HEATR5A: variants seen among roughly 807,000 people sequenced by gnomAD.
HEATR5A encodes the protein HEAT repeat containing 5A.
In HEATR5A, 178 loss-of-function variants were observed where a neutral mutation model predicts 218.8. That is an observed-to-expected ratio of 0.81 (90% CI 0.72 to 0.92). The LOEUF (loss-of-function observed/expected upper bound fraction) is 0.92, where lower values mean the gene tolerates loss of function less well. Ranked by LOEUF, HEATR5A falls within the 40% of genes least tolerant of loss-of-function variation. The probability of loss-of-function intolerance (pLI) is 0.00; values close to 1 mark genes in which losing one functional copy is unlikely to be tolerated. For missense variants in HEATR5A, 2,420 were observed against 2,418.9 expected, an observed-to-expected ratio of 1.00 and a Z score of -0.01; for synonymous variants, 864 against 871.6, an observed-to-expected ratio of 0.99 and a Z score of 0.15.
intron 6 of HEATR5A, among the ~76,000 whole-genome samples, chr14:31,391,098 G>A (rs1227683698): frequency 6.6e-6 from 1 of 152,078 alleles, no homozygotes; most frequent in Non-Finnish European, 1.5e-5. Flanking sequence ...TATAGAACAA[G>A]GATACAAGGA....
intron 19 of HEATR5A, among the ~76,000 whole-genome samples, chr14:31,345,919 C>A (rs898338592): frequency 8.6e-5 from 13 of 151,946 alleles, no homozygotes; most frequent in African/African-American, 3.1e-4. Flanking sequence ...CACACGCACA[C>A]ACACACACAC....
chr14:31,388,912 C>A lies in HEATR5A; in HGVS notation c.866G>T (p.Arg289Leu). ...GFLRGSSGFL[R>L]ASGDMLKGTS... The stretch of plus-strand genomic sequence containing the variant: ...TCCTTTCAGCATATCTCCACTGGCT[C>A]GAAGGAATCCTGAACTCCCACGTAG... Residue 289 changes from arginine (R) to leucine (L), a missense_variant, in exon 7 of 36, where the codon CGA (arginine) becomes CTA (leucine). Physicochemically the swap from Arg to Leu is moderately radical, Grantham distance 102. Transcript: ENST00000543095. The A allele has an allele frequency of 6.2e-7, 1 of 1,613,732 alleles. No individual in the cohort carries two copies. Among genetic ancestry groups the A allele is most frequent in the Non-Finnish European group, 8.5e-7 (1 of 1,179,750 alleles).
Position 31,304,949 on chromosome 14 carries a change from G to T in HEATR5A, c.5195C>A (p.Ala1732Glu). ...AGGAAGTTCGGAAAGGATAACCAAT[G>T]CAGCTGAAACCAATCTACTTCCATC... ...LEDGSRLVSA[A>E]LVILSELPAV... Residue 1732 changes from alanine (A) to glutamate (E), a missense_variant, in exon 32 of 36, where the codon GCA becomes GAA. By Grantham distance (107) the Ala-to-Glu change is moderately radical. Coordinates refer to ENST00000543095, the MANE Select transcript of HEATR5A (RefSeq NM_015473.4). 6.2e-7 allele frequency: 1 copy of T among 1,613,990 alleles called. No individual in the cohort carries two copies. The highest frequency in any genetic ancestry group is 8.5e-7 in the Non-Finnish European group (1 of 1,179,886).
Position 31,374,941 on chromosome 14 carries a change from G to C in HEATR5A, c.1736C>G (p.Ala579Gly). 1 of 1,610,672 alleles carries C rather than the reference G, an allele frequency of 6.2e-7. No individual in the cohort carries two copies. The highest frequency in any genetic ancestry group is 8.5e-7 in the Non-Finnish European group (1 of 1,178,346). ...LGPAVVSHHL[A>G]RVLLLWKCVF... ...ACACTTCCACAACAGCAGAACTCGA[G>C]CAAGGTGATGGCTAACAACTGCAGG... The change falls in exon 12 of 36, where the codon GCT (alanine) becomes GGT (glycine). Residue 579 changes from alanine (A) to glycine (G), a missense_variant. Physicochemically the swap from Ala to Gly is moderately conservative, Grantham distance 60. Coordinates refer to ENST00000543095, the MANE Select transcript of HEATR5A (RefSeq NM_015473.4).
intron 16 of HEATR5A, among the ~76,000 whole-genome samples, chr14:31,356,541 A>G (rs1901433509): frequency 6.6e-6 from 1 of 151,836 alleles, no homozygotes; most frequent in East Asian, 1.9e-4. Flanking sequence ...GTCACCTACT[A>G]TTTTTTTTCC....
At chr14:31,418,547 C>G (rs1292363306) in intron 1 of HEATR5A, among the ~76,000 whole-genome samples, 1 of 152,210 alleles carries the variant, frequency 6.6e-6, no homozygotes, top group Non-Finnish European at 1.5e-5. Flanking sequence ...GACAAGGGAT[C>G]TAATTAAGTG....
intron 22 of HEATR5A, among the ~76,000 whole-genome samples, chr14:31,330,925 C>T (rs1341108176): frequency 6.8e-6 from 1 of 147,764 alleles, no homozygotes; most frequent in Non-Finnish European, 1.5e-5. Flanking sequence ...CTTTTATATG[C>T]TCTGCTTCCC....
intron 14 of HEATR5A, among the ~76,000 whole-genome samples, chr14:31,360,942 T>C (rs1490237943): frequency 1.3e-5 from 2 of 152,128 alleles, no homozygotes; most frequent in African/African-American, 2.4e-5. Context: ...ATAGCTGAGA[T>C]TACACACGGT....
chr14:31,336,186 G>A (rs577786477), intron 22 of HEATR5A, among the ~76,000 whole-genome samples: 6 of 138,260 alleles, frequency 4.3e-5, no homozygotes, highest in Admixed American at 1.5e-4. Flanking sequence ...GCCATATTGC[G>A]CAGGGGGTTA....
chr14:31,344,895 G>A (rs1276705915), intron 20 of HEATR5A, among the ~76,000 whole-genome samples, 192 bp downstream of exon 20: 1 of 152,184 alleles, frequency 6.6e-6, no homozygotes, highest in African/African-American at 2.4e-5. Flanking sequence ...GGCATCTTTA[G>A]GAGATATGTA....
intron 11 of HEATR5A, among the ~76,000 whole-genome samples, chr14:31,378,979 T>C (rs2139268824): frequency 6.6e-6 from 1 of 151,842 alleles, no homozygotes; most frequent in South Asian, 2.1e-4. Flanking sequence ...TCTTGTTCTG[T>C]CACCCAGGCT....
chr14:31,407,605 TA>T (rs1476241328), intron 1 of HEATR5A, among the ~76,000 whole-genome samples: 10 of 1,046 alleles, frequency 9.6e-3, no homozygotes, highest in African/African-American at 0.018. Flanking sequence ...TATATATATA[TA>T]TATATATATA....
chr14:31,339,215 C>T (rs548786818), intron 21 of HEATR5A, among the ~76,000 whole-genome samples: 2 of 151,146 alleles, frequency 1.3e-5, no homozygotes, highest in Non-Finnish European at 2.9e-5. Flanking sequence ...CAAGGGAGGC[C>T]GAGGCAGGTG....
intron 22 of HEATR5A, 129 bp from the exon 23 acceptor site, chr14:31,326,471 G>T: frequency 1.5e-6 from 1 of 673,408 alleles, no homozygotes; most frequent in Non-Finnish European, 2.5e-6. Flanking sequence ...CAAATACTGT[G>T]CTTTAATCTA....
chr14:31,336,213 C>CACACACACATAT (rs758047507), intron 22 of HEATR5A, among the ~76,000 whole-genome samples: 34 of 90,742 alleles, frequency 3.7e-4, no homozygotes, highest in African/African-American at 1.2e-3. Flanking sequence ...TATATACATA[C>CACACACACATAT]ATACATATAT....
At chr14:31,388,807 G>C in intron 7 of HEATR5A, 38 bp downstream of exon 7, 1 of 1,562,354 alleles carries the variant, frequency 6.4e-7, no homozygotes, top group Non-Finnish European at 8.8e-7. Context: ...TTATAGGCCA[G>C]TAAGAGTTAG....
chr14:31,323,834 T>G, intron 23 of HEATR5A, 30 bp from the exon 24 acceptor site: 1 of 1,420,744 alleles, frequency 7.0e-7, no homozygotes, highest in East Asian at 2.3e-5. Flanking sequence ...TATGTAATTA[T>G]AATCAACTGA....
At chr14:31,366,171 G>A (rs1304554624) in intron 13 of HEATR5A, among the ~76,000 whole-genome samples, 2 of 152,286 alleles carry the variant, frequency 1.3e-5, no homozygotes, top group African/African-American at 4.8e-5. Context: ...CACTTTGGGA[G>A]GCTGAGGCCA....
intron 1 of HEATR5A, among the ~76,000 whole-genome samples, chr14:31,408,933 T>C (rs2031174726): frequency 2.6e-5 from 1 of 37,974 alleles, no homozygotes; most frequent in Non-Finnish European, 5.8e-5. Context: ...CTACTAAAAA[T>C]ACAAAAAATT....
Sources: allele counts gnomAD v4.1 joint callset (sites outside exome capture counted in the v4.1 genomes callset), GRCh38; gene constraint gnomAD v4.1.1; transcripts MANE v1.5; gene names NCBI Gene and HGNC (gene_info 2026-07-23, HGNC 2026-07-21).